NRG1: variants seen among roughly 807,000 people sequenced by gnomAD.
The protein encoded by NRG1 is pro-neuregulin-1, membrane-bound isoform.
A neutral mutation model predicts 63.8 loss-of-function variants in NRG1; 18 were observed. The ratio of observed to expected loss-of-function variants is 0.28; its 90% CI spans 0.19 to 0.42. NRG1 has a LOEUF of 0.42. NRG1 is among the 10% of genes least tolerant of loss of function. The pLI is 1.00. For missense variants in NRG1, 762 were observed against 814.7 expected (o/e 0.94, Z 0.79); for synonymous variants, 302 against 301.3 (o/e 1.00, Z -0.02).
At chr8:31,987,171 G>C (rs570369979) in intron 1 of NRG1, among the ~76,000 whole-genome samples, 1 of 151,822 alleles carries the variant, frequency 6.6e-6, no homozygotes, top group South Asian at 2.1e-4. Context: ...GGTGGAGGCT[G>C]TGCTTGTAGT....
intron 1 of NRG1, among the ~76,000 whole-genome samples, chr8:31,726,873 A>G (rs1246928946): frequency 6.6e-6 from 1 of 152,154 alleles, no homozygotes; most frequent in Non-Finnish European, 1.5e-5. Context: ...AGCTCTTTCC[A>G]ACAGAGGGTA....
chr8:32,101,478 ATTTTT>A (rs35098830), intron 1 of NRG1, among the ~76,000 whole-genome samples: 56 of 140,188 alleles, frequency 4.0e-4, no homozygotes, highest in Admixed American at 2.4e-3. Flanking sequence ...TAGAAAGCAG[ATTTTT>A]TTTTTTTTTT....
rs1007379541 is a variant in NRG1 at position 32,120,609 on chromosome 8, A to T, written c.38-475219A>T. On this transcript the variant is annotated intron_variant, in intron 1 of 10. Transcript: ENST00000519301. Reference sequence around the variant, plus strand: ...GAACAGTAGTAGCTAGCAATTTGGAATCTCTAGAAAGAAGTTTTTTTTATT... The same window carrying T: ...GAACAGTAGTAGCTAGCAATTTGGATTCTCTAGAAAGAAGTTTTTTTTATT... Among the ~76,000 whole-genome samples, 5 of 152,182 alleles carry T rather than the reference A, an allele frequency of 3.3e-5. 1 individual carries two copies. In the South Asian group the frequency reaches 1.0e-3, roughly 32 times the overall value.
At chr8:31,932,861 T>A (rs972891808) in intron 1 of NRG1, among the ~76,000 whole-genome samples, 3 of 152,194 alleles carry the variant, frequency 2.0e-5, no homozygotes, top group African/African-American at 7.2e-5. Flanking sequence ...CCCACTTGCA[T>A]ATAATTCCGA....
At chr8:32,192,593 C>G (rs1325247332) in intron 1 of NRG1, among the ~76,000 whole-genome samples, 2 of 151,798 alleles carry the variant, frequency 1.3e-5, no homozygotes, top group Non-Finnish European at 2.9e-5. Context: ...CTACTAGATG[C>G]AGGAAGGTGG....
chr8:31,923,267 A>G, intron 1 of NRG1, among the ~76,000 whole-genome samples: 1 of 152,176 alleles, frequency 6.6e-6, no homozygotes. Flanking sequence ...AAATAATTGT[A>G]TAGGTTTTCC....
rs564243505 is a variant in NRG1, at chr8:32,696,337, TC to T, written c.503-31610del. Among the ~76,000 whole-genome samples, 204 of 152,244 alleles carry T rather than the reference TC, an allele frequency of 1.3e-3. 1 individual carries two copies. The highest frequency in any genetic ancestry group is 4.7e-3 in the African/African-American group (194 of 41,536). ...TATATTACTGGTAGAAATCAACATT[TC>T]CTTTTCTTTAGTGAAAAAAATAACA... is the stretch of plus-strand genomic sequence containing the variant. On this transcript the variant is annotated intron_variant, in intron 5 of 11. Transcript: ENST00000356819.
intron 1 of NRG1, among the ~76,000 whole-genome samples, chr8:31,939,729 T>C (rs1490642773): frequency 6.6e-6 from 1 of 152,134 alleles, no homozygotes; most frequent in Non-Finnish European, 1.5e-5. Flanking sequence ...GTAAAAAAGA[T>C]ATTTTATGCA....
chr8:31,828,788 C>A (rs1356596765), intron 1 of NRG1, among the ~76,000 whole-genome samples: 1 of 152,212 alleles, frequency 6.6e-6, no homozygotes, highest in Non-Finnish European at 1.5e-5. Context: ...ACTCCCCTTC[C>A]TAATCTCCAT....
At position 31,640,260 on chromosome 8, in the gene NRG1, G is replaced by A. The variant is rs1320435237; in HGVS notation, c.37+829G>A. ...AGGGAAAGGTGCACCCGCAGCGGCGGCAGCAGGGGGCACTCGACAGGAAGG... is the reference window on the plus strand; with the variant it reads ...AGGGAAAGGTGCACCCGCAGCGGCGACAGCAGGGGGCACTCGACAGGAAGG... On this transcript the variant is annotated intron_variant, in intron 1 of 10. Coordinates refer to the NRG1 transcript ENST00000519301. This position sits in a 1 kb window ranked among gnomAD's most constrained non-coding sequence, Gnocchi z 6.3. The A allele has an allele frequency of 2.4e-5, 27 of 1,141,290 alleles. No homozygotes were observed. Among genetic ancestry groups the A allele is most frequent in the Admixed American group, 4.9e-5 (1 of 20,476 alleles). The allele number at this position is 1,141,290 out of a possible 1,614,324, so 70.7% of individuals were successfully genotyped here. A position where few individuals can be genotyped will look rare whatever the true frequency, so the allele number is the denominator to read the frequency against.
At chr8:32,647,563 T>C in intron 5 of NRG1, 1 of 985,364 alleles carries the variant, frequency 1.0e-6, no homozygotes, top group South Asian at 4.7e-5. Context: ...CTTCCCCCCT[T>C]GCATCTTTCT....
chr8:32,319,332 A>G (rs77951968), intron 1 of NRG1, among the ~76,000 whole-genome samples: 10,491 of 152,248 alleles, frequency 0.069, 463 homozygotes, highest in Middle Eastern at 0.14. Context: ...TTTAAGTAAG[A>G]AAATGGTCAC....
rs143140939 is a variant in NRG1, at chr8:31,944,586, C to A, written c.37+305155C>A. On this transcript the variant is annotated intron_variant, in intron 1 of 10. Coordinates refer to the NRG1 transcript ENST00000519301. ...CTAACTAATTTGTACCACCATAATT[C>A]TTATACTAGAGCATAATAAAACAAA... Among the ~76,000 whole-genome samples, 13 of 152,262 alleles carry A rather than the reference C, an allele frequency of 8.5e-5. 1 individual carries two copies. Among genetic ancestry groups the A allele is most frequent in the African/African-American group, 3.1e-4 (13 of 41,558 alleles).
At chr8:32,313,913 T>G (rs1384833752) in intron 1 of NRG1, among the ~76,000 whole-genome samples, 1 of 152,200 alleles carries the variant, frequency 6.6e-6, no homozygotes, top group Non-Finnish European at 1.5e-5. Context: ...TGATATCAAT[T>G]TTTGTATTTT....
intron 5 of NRG1, among the ~76,000 whole-genome samples, chr8:32,690,322 C>A (rs545808286): frequency 6.6e-6 from 1 of 152,174 alleles, no homozygotes; most frequent in Admixed American, 6.5e-5. Context: ...CCCCGCCCCC[C>A]ACAGCAAGTC....
intron 1 of NRG1, among the ~76,000 whole-genome samples, chr8:32,520,676 A>T (rs1157742934): frequency 1.3e-5 from 2 of 152,232 alleles, no homozygotes; most frequent in Non-Finnish European, 2.9e-5. Context: ...AGAATACAGT[A>T]GTCCCCCCTT....
At position 32,032,012 on chromosome 8, in the gene NRG1, T is replaced by A. The variant is rs949582651; in HGVS notation, c.37+392581T>A. Among the ~76,000 whole-genome samples, 11 of 151,928 alleles carry A rather than the reference T, an allele frequency of 7.2e-5. 1 individual carries two copies. Among genetic ancestry groups the A allele is most frequent in the Non-Finnish European group, 1.5e-5 (1 of 67,946 alleles). On this transcript the variant is annotated intron_variant, in intron 1 of 10. Transcript: ENST00000519301. ...TTGCTGGGTCAAATGATATTTCTGG[T>A]TTTAGATATCACAACACCATCTTCC...
At chr8:32,385,215 A>G (rs990002829) in intron 1 of NRG1, among the ~76,000 whole-genome samples, 1 of 151,596 alleles carries the variant, frequency 6.6e-6, no homozygotes, top group African/African-American at 2.4e-5. Context: ...TTTAGTAGAG[A>G]CAGGGTTTCA....
chr8:31,704,929 TATTTCTAATTC>T (rs1479578462), intron 1 of NRG1, among the ~76,000 whole-genome samples: 3 of 151,966 alleles, frequency 2.0e-5, no homozygotes, highest in Non-Finnish European at 4.4e-5. Flanking sequence ...GATACATACA[TATTTCTAATTC>T]ATTGTTTGAA....
Sources: allele counts gnomAD v4.1 joint callset (sites outside exome capture counted in the v4.1 genomes callset), GRCh38; gene constraint gnomAD v4.1.1; non-coding constraint Gnocchi (gnomAD v3.1); transcripts MANE v1.5; gene names NCBI Gene and HGNC (gene_info 2026-07-23, HGNC 2026-07-21).